Variants in POC1A observed in about 807,000 individuals in gnomAD.
POC1A encodes POC1 centriolar protein homolog A.
POC1A carries 34 observed loss-of-function variants against 47.8 expected under a neutral mutation model. That is an observed-to-expected ratio of 0.71 (90% CI 0.54 to 0.95). The LOEUF (loss-of-function observed/expected upper bound fraction) is 0.95. Ranked by LOEUF, POC1A falls within the 40% of genes least tolerant of loss-of-function variation. The pLI is 0.00. For missense variants in POC1A, 466 were observed against 528.3 expected (o/e 0.88, Z 1.16); for synonymous variants, 177 against 207.6 (o/e 0.85, Z 1.27).
At chr3:52,097,497 G>A (rs1176547915) in intron 9 of POC1A, among the ~76,000 whole-genome samples, 1 of 152,230 alleles carries the variant, frequency 6.6e-6, no homozygotes, top group Non-Finnish European at 1.5e-5. Flanking sequence ...GACCGAAGAA[G>A]TGCTGTGCAC....
At chr3:52,150,879 CAGAAGCAAGACT>C in intron 2 of POC1A, 125 bp downstream of exon 2, 2 of 719,624 alleles carry the variant, frequency 2.8e-6, no homozygotes, top group Non-Finnish European at 4.8e-6. Context: ...AGCTGGCAAG[CAGAAGCAAGACT>C]AGAAGCAGGT....
chr3:52,147,011 G>A lies in POC1A; in HGVS notation c.540C>T (p.Val180=). The A allele has an allele frequency of 6.2e-7, 1 of 1,614,060 alleles. No homozygotes were observed. The highest frequency in any genetic ancestry group is 8.5e-7 in the Non-Finnish European group (1 of 1,179,920). Residue 180 remains valine, a synonymous_variant, in exon 5 of 11, where the codon GTC becomes GTT. Coordinates refer to ENST00000296484, the MANE Select transcript of POC1A (RefSeq NM_015426.5). ...KLWDKSSREC[V]HSYCEHGGFV... ...ACCCGCCATGCTCACAATACGAGTG[G>A]ACACATTCCCGGCTGCTCTTGTCCC... is the stretch of plus-strand genomic sequence containing the variant.
chr3:52,132,624 C>T (rs760236352), intron 7 of POC1A, among the ~76,000 whole-genome samples: 14 of 152,100 alleles, frequency 9.2e-5, no homozygotes, highest in Non-Finnish European at 1.6e-4. Context: ...CCTTTATCAC[C>T]CAGAGTCCCC....
Position 52,151,006 on chromosome 3 carries a change from C to A in POC1A, c.103+10G>T. On this transcript the variant is annotated intron_variant, in intron 2 of 10. Coordinates refer to ENST00000296484, the MANE Select transcript of POC1A (RefSeq NM_015426.5). Reference sequence around the variant, plus strand: ...ATAACCTAGCACCTAGACAGGGTGCCTCTTCTTACCCAGCTGCTTTGTGTT... The same window carrying A: ...ATAACCTAGCACCTAGACAGGGTGCATCTTCTTACCCAGCTGCTTTGTGTT... 1 of 1,613,678 alleles carries A rather than the reference C, an allele frequency of 6.2e-7. No individual in the cohort carries two copies. The highest frequency in any genetic ancestry group is 8.5e-7 in the Non-Finnish European group (1 of 1,179,692).
intron 7 of POC1A, among the ~76,000 whole-genome samples, chr3:52,136,853 G>A (rs563772290): frequency 1.3e-5 from 2 of 152,352 alleles, no homozygotes; most frequent in African/African-American, 2.4e-5. Context: ...CAGGCTAAGC[G>A]TGAGTTAGCT....
At chr3:52,110,140 T>C (rs2107035853) in intron 9 of POC1A, among the ~76,000 whole-genome samples, 1 of 152,344 alleles carries the variant, frequency 6.6e-6, no homozygotes, top group East Asian at 1.9e-4. Context: ...GTGAGAATGC[T>C]TTGACTTCCT....
At chr3:52,113,840 T>C (rs533974148) in intron 9 of POC1A, among the ~76,000 whole-genome samples, 45 of 152,320 alleles carry the variant, frequency 3.0e-4, no homozygotes, top group African/African-American at 8.7e-4. Context: ...ACGAATTCTA[T>C]TGAGATAAAG....
At chr3:52,140,538 GC>G in intron 6 of POC1A, among the ~76,000 whole-genome samples, 1 of 152,310 alleles carries the variant, frequency 6.6e-6, no homozygotes, top group East Asian at 1.9e-4. Context: ...CACACCAGGG[GC>G]CCCCACCTGG....
At chr3:52,120,415 G>A (rs1703735593) in intron 9 of POC1A, among the ~76,000 whole-genome samples, 1 of 152,212 alleles carries the variant, frequency 6.6e-6, no homozygotes, top group South Asian at 2.1e-4. Context: ...CATCCACTCA[G>A]GGTCTCAGAG....
At chr3:52,082,188 G>C (rs906289684) in intron 10 of POC1A, among the ~76,000 whole-genome samples, 16 of 152,138 alleles carry the variant, frequency 1.1e-4, no homozygotes, top group African/African-American at 3.4e-4. Flanking sequence ...GAAGGAAGAG[G>C]GGGGAGTGGG....
intron 9 of POC1A, among the ~76,000 whole-genome samples, chr3:52,097,992 C>A (rs894853014): frequency 6.6e-6 from 1 of 152,202 alleles, no homozygotes; most frequent in Non-Finnish European, 1.5e-5. Context: ...CACAGTGGCC[C>A]CCAGACTAAG....
At chr3:52,145,190 C>T (rs1698323321) in intron 6 of POC1A, among the ~76,000 whole-genome samples, 1 of 152,200 alleles carries the variant, frequency 6.6e-6, no homozygotes, top group Non-Finnish European at 1.5e-5. Flanking sequence ...AGTTCCCTAC[C>T]CAGTACTCTC....
intron 9 of POC1A, among the ~76,000 whole-genome samples, chr3:52,119,904 T>C (rs1250031578): frequency 6.6e-6 from 1 of 152,200 alleles, no homozygotes; most frequent in East Asian, 1.9e-4. Flanking sequence ...TGGACAGTGC[T>C]GGAGGGACAG....
At chr3:52,083,441 G>A (rs376520948) in intron 10 of POC1A, among the ~76,000 whole-genome samples, 2 of 151,996 alleles carry the variant, frequency 1.3e-5, no homozygotes, top group African/African-American at 2.4e-5. Context: ...ACACCCCAGC[G>A]CTCTCCCTGG....
rs553391683 is a variant in POC1A, at chr3:52,127,422, G to A, written c.814-2241C>T. ...TTTTTTTTTTTTGAGGCAGAGTCTC[G>A]CTCTGTTGCCCGGGCTGGAGTGCAG... On this transcript the variant is annotated intron_variant, in intron 7 of 10. Coordinates refer to ENST00000296484, the MANE Select transcript of POC1A (RefSeq NM_015426.5). Among the ~76,000 whole-genome samples the A allele has an allele frequency of 1.1e-3, 166 of 149,166 alleles. 1 individual carries two copies. Among genetic ancestry groups the A allele is most frequent in the Non-Finnish European group, 1.3e-3 (90 of 67,510 alleles).
chr3:52,143,742 T>C (rs1260085515), intron 6 of POC1A, among the ~76,000 whole-genome samples: 1 of 152,104 alleles, frequency 6.6e-6, no homozygotes, highest in Non-Finnish European at 1.5e-5. Context: ...CTGGGACACA[T>C]GGGGCACACC....
intron 8 of POC1A, among the ~76,000 whole-genome samples, chr3:52,124,672 G>A (rs968752674): frequency 2.0e-5 from 3 of 152,100 alleles, no homozygotes; most frequent in Non-Finnish European, 4.4e-5. Flanking sequence ...GAGATCAGAG[G>A]GCCTCATCTC....
At chr3:52,145,807 A>G in intron 6 of POC1A, 39 bp downstream of exon 6, 2 of 1,322,082 alleles carry the variant, frequency 1.5e-6, no homozygotes, top group Non-Finnish European at 1.1e-6. Context: ...CAGTCCCACC[A>G]GGGCTGCCCT....
chr3:52,103,282 T>C (rs934601534), intron 9 of POC1A, among the ~76,000 whole-genome samples: 5 of 152,354 alleles, frequency 3.3e-5, no homozygotes, highest in Admixed American at 2.0e-4. Context: ...ATCCCAGCAC[T>C]TTGGGAGGCT....
Sources: gnomAD v4.1 joint callset for allele counts (sites outside exome capture counted in the v4.1 genomes callset) on GRCh38, gnomAD v4.1.1 for gene constraint, MANE v1.5 for transcripts, NCBI Gene and HGNC (gene_info 2026-07-23, HGNC 2026-07-21) for gene names.